MYO1E: variants seen among roughly 807,000 people sequenced by gnomAD.
The protein encoded by MYO1E is myosin IE, also known as unconventional myosin-Ie.
A neutral mutation model predicts 151.1 loss-of-function variants in MYO1E; 68 were observed. The observed-to-expected ratio is 0.45, with a 90% confidence interval of 0.37 to 0.55. The LOEUF (loss-of-function observed/expected upper bound fraction) is 0.55, where lower values mean the gene tolerates loss of function less well. Among genes scored for constraint, MYO1E ranks in the 20% least tolerant of loss-of-function variants. The pLI, the probability that MYO1E is intolerant of heterozygous loss-of-function variation, is 0.00. For synonymous variants in MYO1E, 601 were observed against 501.7 expected, an observed-to-expected ratio of 1.20 and a Z score of -2.64; for missense variants, 1,363 against 1,389.3, an observed-to-expected ratio of 0.98 and a Z score of 0.30.
In MYO1E at chr15:59,153,597, C is replaced by T. The variant is rs143016163; in HGVS notation, c.3073G>A (p.Ala1025Thr). 22 of 1,613,982 alleles carry T rather than the reference C, an allele frequency of 1.4e-5. No individual in the cohort carries two copies. In the African/African-American group the frequency reaches 2.7e-4, roughly 20 times the overall value. Residue 1025 changes from alanine to threonine, a missense_variant, in exon 26 of 28, where the codon GCT becomes ACT. Coordinates refer to ENST00000288235, the MANE Select transcript of MYO1E (RefSeq NM_004998.4). ...AGGATGTGAGAATCTTACCCTGCAG[C>T]TCCCTGGTCCGGGACCTTGAGGAAA... The part of the protein sequence containing the change: ...LDFLKVPDQG[A>T]AGVRRQTTSR...
chr15:59,269,456 T>C (rs1215361496), intron 2 of MYO1E, among the ~76,000 whole-genome samples: 1 of 152,236 alleles, frequency 6.6e-6, no homozygotes, highest in African/African-American at 2.4e-5. Context: ...GTAAAAGTGA[T>C]TAACATTTTT....
chr15:59,267,423 G>T (rs2080262937), intron 2 of MYO1E, among the ~76,000 whole-genome samples: 1 of 152,226 alleles, frequency 6.6e-6, no homozygotes, highest in Non-Finnish European at 1.5e-5. Context: ...ACAGGGAGGT[G>T]AGTTGACTTC....
chr15:59,250,394 G>A (rs772476025), intron 4 of MYO1E, among the ~76,000 whole-genome samples: 7 of 152,070 alleles, frequency 4.6e-5, no homozygotes, highest in Non-Finnish European at 7.4e-5. Flanking sequence ...TTTTCTGGTC[G>A]GCAATACTGT....
chr15:59,341,939 C>T lies in MYO1E; in HGVS notation c.3+30559G>A, dbSNP rs545338331. Reference sequence around the variant, plus strand: ...GCTCTGTTTTTAGTTTTTAAGGAACCGCCCTTCTGTTCTCCACAGTGGCTA... The same window carrying T: ...GCTCTGTTTTTAGTTTTTAAGGAACTGCCCTTCTGTTCTCCACAGTGGCTA... On this transcript the variant is annotated intron_variant, in intron 1 of 27. Coordinates refer to ENST00000288235, the MANE Select transcript of MYO1E (RefSeq NM_004998.4). Among the ~76,000 whole-genome samples the T allele has an allele frequency of 1.3e-4, 20 of 152,240 alleles. No homozygotes were observed. The South Asian group carries it at 3.7e-3, about 28-fold the overall frequency.
chr15:59,262,075 GCCTGTAGTC>G (rs1187201585), intron 2 of MYO1E, among the ~76,000 whole-genome samples: 1 of 151,946 alleles, frequency 6.6e-6, no homozygotes, highest in Non-Finnish European at 1.5e-5. Context: ...GGTGGCACAC[GCCTGTAGTC>G]CCTGCTACTG....
intron 1 of MYO1E, among the ~76,000 whole-genome samples, chr15:59,281,797 C>T (rs1438865157): frequency 6.6e-6 from 1 of 152,056 alleles, no homozygotes; most frequent in Admixed American, 6.6e-5. Context: ...GTAAAAATAG[C>T]TACGAAGACA....
At chr15:59,307,096 T>C (rs770094691) in intron 1 of MYO1E, among the ~76,000 whole-genome samples, 2 of 152,224 alleles carry the variant, frequency 1.3e-5, no homozygotes, top group Non-Finnish European at 2.9e-5. Flanking sequence ...CACCAAAGCA[T>C]GAAGTACAGG....
intron 1 of MYO1E, among the ~76,000 whole-genome samples, chr15:59,327,422 C>T (rs1395430859): frequency 4.0e-5 from 6 of 151,896 alleles, no homozygotes; most frequent in Non-Finnish European, 8.8e-5. Flanking sequence ...AATCCTCTCA[C>T]TTCAGCCTCC....
intron 13 of MYO1E, 60 bp downstream of exon 13, chr15:59,210,454 T>G: frequency 8.3e-7 from 1 of 1,202,658 alleles, no homozygotes; most frequent in Non-Finnish European, 1.2e-6. Flanking sequence ...ACACAGAGAA[T>G]AAAAACTCAC....
At chr15:59,340,896 C>A (rs1212141155) in intron 1 of MYO1E, among the ~76,000 whole-genome samples, 1 of 151,404 alleles carries the variant, frequency 6.6e-6, no homozygotes, top group Non-Finnish European at 1.5e-5. Context: ...GTGGCACACA[C>A]CTGTAATCCC....
At chr15:59,152,228 A>T (rs1254226620) in intron 26 of MYO1E, among the ~76,000 whole-genome samples, 4 of 152,198 alleles carry the variant, frequency 2.6e-5, no homozygotes, top group African/African-American at 9.7e-5. Context: ...CCTGTCTCAA[A>T]AAACAAAGCA....
At chr15:59,227,158 G>A (rs143293594) in intron 7 of MYO1E, among the ~76,000 whole-genome samples, 122 of 152,120 alleles carry the variant, frequency 8.0e-4, no homozygotes, top group Admixed American at 2.4e-3. Flanking sequence ...CCTACTATCC[G>A]GCCAAACCTG....
At chr15:59,260,477 G>T (rs2080218677) in intron 3 of MYO1E, among the ~76,000 whole-genome samples, 1 of 152,174 alleles carries the variant, frequency 6.6e-6, no homozygotes, top group African/African-American at 2.4e-5. Context: ...CTTTTTAGGG[G>T]TCAGGATTAA....
chr15:59,353,064 A>C (rs1555422176), intron 1 of MYO1E, among the ~76,000 whole-genome samples: 1 of 152,184 alleles, frequency 6.6e-6, no homozygotes, highest in Non-Finnish European at 1.5e-5. Context: ...AGCCAACGGC[A>C]GTTGATTTTT....
intron 1 of MYO1E, among the ~76,000 whole-genome samples, chr15:59,346,529 G>T (rs186565106): frequency 1.3e-5 from 2 of 152,182 alleles, no homozygotes; most frequent in East Asian, 1.9e-4. Context: ...TAAATTATAA[G>T]AACTATGGAT....
intron 14 of MYO1E, chr15:59,206,941 A>G (rs1388856462): frequency 4.3e-6 from 7 of 1,609,564 alleles, no homozygotes; most frequent in Non-Finnish European, 5.1e-6. Context: ...GTGAGCAGCC[A>G]TGAGTTGGAC....
chr15:59,358,592 T>C (rs2080867743), intron 1 of MYO1E, among the ~76,000 whole-genome samples: 1 of 152,220 alleles, frequency 6.6e-6, no homozygotes, highest in Non-Finnish European at 1.5e-5. Flanking sequence ...AGAGTCCAGA[T>C]ATTAAGGCCC....
intron 5 of MYO1E, among the ~76,000 whole-genome samples, chr15:59,233,685 A>AAAT (rs1491332610): frequency 7.0e-6 from 1 of 143,198 alleles, no homozygotes; most frequent in Non-Finnish European, 1.5e-5. Context: ...AAAAAAAAAA[A>AAAT]GGCAGCAAAA....
intron 1 of MYO1E, among the ~76,000 whole-genome samples, chr15:59,304,403 A>G (rs1231447435): frequency 9.9e-5 from 15 of 152,182 alleles, no homozygotes; most frequent in Admixed American, 9.8e-4. Flanking sequence ...CCATCTCTTC[A>G]CAAAACTGAG....
Sources: allele counts gnomAD v4.1 joint callset (sites outside exome capture counted in the v4.1 genomes callset), GRCh38; gene constraint gnomAD v4.1.1; transcripts MANE v1.5; gene names NCBI Gene and HGNC (gene_info 2026-07-23, HGNC 2026-07-21).